DSE: variants seen among roughly 807,000 people sequenced by gnomAD.
DSE encodes the protein dermatan-sulfate epimerase.
A neutral mutation model predicts 84.4 loss-of-function variants in DSE; 36 were observed. That is an observed-to-expected ratio of 0.43 (90% confidence interval 0.33 to 0.56). The LOEUF is 0.56. Among genes scored for constraint, DSE ranks in the 20% least tolerant of loss-of-function variants. The probability of loss-of-function intolerance (pLI) is 0.06; values close to 1 mark genes in which losing one functional copy is unlikely to be tolerated. For missense variants in DSE, 862 were observed against 1,169.6 expected (o/e 0.74, Z 3.84); for synonymous variants, 410 against 430.1 (o/e 0.95, Z 0.58).
At chr6:116,414,206 C>T (rs1221816896) in intron 2 of DSE, among the ~76,000 whole-genome samples, 1 of 152,168 alleles carries the variant, frequency 6.6e-6, no homozygotes, top group Non-Finnish European at 1.5e-5. Flanking sequence ...TATCAATAGG[C>T]TTCATTCCTT....
intron 1 of DSE, chr6:116,375,507 G>A: frequency 6.1e-6 from 6 of 984,706 alleles, no homozygotes; most frequent in Non-Finnish European, 6.0e-6. Context: ...CTGCCTCAAA[G>A]TCTTTTTTAT....
At chr6:116,353,552 G>T (rs1284903921) in intron 2 of DSE, among the ~76,000 whole-genome samples, 4 of 152,094 alleles carry the variant, frequency 2.6e-5, no homozygotes, top group Non-Finnish European at 5.9e-5. Context: ...ACACTTCCTA[G>T]CATTGTGTCC....
intron 2 of DSE, among the ~76,000 whole-genome samples, chr6:116,414,087 GTGTA>G (rs1782549643): frequency 6.6e-6 from 1 of 152,164 alleles, no homozygotes; most frequent in Non-Finnish European, 1.5e-5. Context: ...TTTAGTGTCG[GTGTA>G]TTTGTTGCTA....
chr6:116,438,737 TAAC>T lies in DSE; in HGVS notation c.*1397_*1399del, dbSNP rs1305068423. On this transcript the variant is annotated 3_prime_UTR_variant, in exon 6 of 6. Coordinates refer to ENST00000644252, the MANE Select transcript of DSE (RefSeq NM_013352.4). The stretch of plus-strand genomic sequence containing the variant: ...CACTCACTGATTTATAGGTGTAAAG[TAAC>T]AACAGTAACCTTTCCTCTTACTTGC... 2.6e-5 allele frequency: 4 copies of T among 152,210 alleles called. No homozygotes were observed. Among genetic ancestry groups the T allele is most frequent in the Non-Finnish European group, 5.9e-5 (4 of 68,022 alleles). The allele number at this position is 152,210 out of a possible 1,614,324, so 9.4% of individuals were successfully genotyped here.
At chr6:116,385,826 AAAG>A (rs1261952787) in intron 1 of DSE, among the ~76,000 whole-genome samples, 1 of 151,932 alleles carries the variant, frequency 6.6e-6, no homozygotes, top group African/African-American at 2.4e-5. Flanking sequence ...AAAAAAAAAA[AAAG>A]TAAATTTTAT....
At chr6:116,375,283 A>T (rs1779855186) in intron 1 of DSE, among the ~76,000 whole-genome samples, 2 of 152,112 alleles carry the variant, frequency 1.3e-5, no homozygotes, top group African/African-American at 4.8e-5. Flanking sequence ...CTCAACTCTA[A>T]TGCCCCATTC....
chr6:116,306,174 A>AT (rs1775335172), intron 2 of DSE, among the ~76,000 whole-genome samples: 2 of 152,230 alleles, frequency 1.3e-5, no homozygotes, highest in African/African-American at 4.8e-5. Context: ...GTAAATCTGG[A>AT]TAAAAACTAC....
rs938953585 is a variant in DSE at position 116,370,957 on chromosome 6, C to T, written c.-218C>T. The T allele has an allele frequency of 3.8e-5, 37 of 985,316 alleles. No individual in the cohort carries two copies. In the African/African-American group the frequency reaches 5.2e-4, roughly 14 times the overall value. The allele number at this position is 985,316 out of a possible 1,614,324, so 61.0% of individuals were successfully genotyped here. A position where few individuals can be genotyped will look rare whatever the true frequency, so the allele number is the denominator to read the frequency against. On this transcript the variant is annotated 5_prime_UTR_variant, in exon 1 of 6. Transcript: ENST00000644252. ...GCCGGCCCGGCTCTCAGTAGCGTCG[C>T]CCGAGGCTGCAGCAGCGCATCCCGG...
chr6:116,333,659 A>G (rs1035231792), intron 2 of DSE, among the ~76,000 whole-genome samples: 2 of 152,236 alleles, frequency 1.3e-5, no homozygotes, highest in African/African-American at 4.8e-5. Context: ...TAATAAATCC[A>G]TGAATCTACT....
At chr6:116,259,200 T>C in intron 2 of DSE, 2 of 650,280 alleles carry the variant, frequency 3.1e-6, no homozygotes, top group South Asian at 3.5e-5. Context: ...AACTTACTTG[T>C]AATTTAAAGG....
At chr6:116,388,889 T>C (rs1278398690) in intron 1 of DSE, among the ~76,000 whole-genome samples, 2 of 152,192 alleles carry the variant, frequency 1.3e-5, no homozygotes, top group African/African-American at 4.8e-5. Context: ...CTGAAAGTTA[T>C]AAATGTGCAG....
chr6:116,301,380 T>C (rs1775030276), intron 2 of DSE, among the ~76,000 whole-genome samples: 1 of 152,208 alleles, frequency 6.6e-6, no homozygotes, highest in African/African-American at 2.4e-5. Flanking sequence ...TGTATGATCC[T>C]CCCTACAGCA....
rs77981565 is a variant in DSE at position 116,421,283 on chromosome 6, G to T, written c.417-5291G>T. Among the ~76,000 whole-genome samples, 92 of 151,438 alleles carry T rather than the reference G, an allele frequency of 6.1e-4. 3 individuals are homozygous for T. The East Asian group carries it at 0.014, about 22-fold the overall frequency. The stretch of plus-strand genomic sequence containing the variant: ...TAAAAATTAATGAGGACATCAAACA[G>T]CTTTGTTTATTTGGGCTGTATCTAT... On this transcript the variant is annotated intron_variant, in intron 2 of 5. Transcript: ENST00000644252.
At chr6:116,370,336 G>C, upstream of DSE, 1 of 399,190 alleles carries the variant, frequency 2.5e-6, no homozygotes, top group South Asian at 8.4e-5. Flanking sequence ...AGTGTATTTT[G>C]TTGGTACAGT....
intron 2 of DSE, among the ~76,000 whole-genome samples, chr6:116,259,922 G>T (rs1772339504): frequency 6.6e-6 from 1 of 152,106 alleles, no homozygotes; most frequent in Non-Finnish European, 1.5e-5. Context: ...CCATGGCTTT[G>T]CTATGTGAAT....
At chr6:116,358,417 T>C (rs1423471854) in intron 2 of DSE, among the ~76,000 whole-genome samples, 2 of 152,230 alleles carry the variant, frequency 1.3e-5, no homozygotes, top group East Asian at 3.8e-4. Context: ...GAAGAGTTAT[T>C]CTTTAATTAA....
At chr6:116,300,849 T>G (rs914336727) in intron 2 of DSE, among the ~76,000 whole-genome samples, 16 of 152,032 alleles carry the variant, frequency 1.1e-4, no homozygotes, top group Non-Finnish European at 2.4e-4. Context: ...GGTCTCGGAG[T>G]GTGGAAGTAA....
chr6:116,323,158 A>G (rs1583017390), intron 2 of DSE, among the ~76,000 whole-genome samples: 1 of 152,330 alleles, frequency 6.6e-6, no homozygotes. Flanking sequence ...TTTCTCTCCC[A>G]GTTCCCTTGT....
At chr6:116,374,470 A>G (rs535216725) in intron 1 of DSE, among the ~76,000 whole-genome samples, 75 of 152,310 alleles carry the variant, frequency 4.9e-4, no homozygotes, top group African/African-American at 1.8e-3. Flanking sequence ...GCACCTGAAG[A>G]GATTTAGTGA....
Sources: allele counts gnomAD v4.1 joint callset (sites outside exome capture counted in the v4.1 genomes callset), GRCh38; gene constraint gnomAD v4.1.1; transcripts MANE v1.5; gene names NCBI Gene and HGNC (gene_info 2026-07-23, HGNC 2026-07-21).